VEPH1: variants seen among roughly 807,000 people sequenced by gnomAD.
VEPH1 encodes ventricular zone expressed PH domain containing 1, also known as ventricular zone-expressed PH domain-containing protein homolog 1.
Under a neutral mutation model 85.2 loss-of-function variants are expected in VEPH1, and 80 were observed. The observed-to-expected ratio is 0.94, with a 90% CI of 0.78 to 1.13. The LOEUF is 1.13. Ranked by LOEUF, VEPH1 falls within the 50% of genes most tolerant of loss-of-function variation. The pLI is 0.00. For synonymous variants in VEPH1, 297 were observed against 348.0 expected (o/e 0.85, Z 1.63); for missense variants, 955 against 980.5 (o/e 0.97, Z 0.35).
At chr3:157,385,454 TGGTTTATATCTATTGGTATTGGCCA>T (rs2108886690) in intron 6 of VEPH1, among the ~76,000 whole-genome samples, 1 of 152,266 alleles carries the variant, frequency 6.6e-6, no homozygotes, top group East Asian at 1.9e-4. Flanking sequence ...TTTTGTTATC[TGGTTTATATCTATTGGTATTGGCCA>T]TATTGGAAGT....
At chr3:157,478,175 G>C (rs868586664) in intron 2 of VEPH1, among the ~76,000 whole-genome samples, 4 of 152,238 alleles carry the variant, frequency 2.6e-5, no homozygotes, top group Middle Eastern at 3.4e-3. Flanking sequence ...CCAATGACTA[G>C]TCATCATGGA....
Position 157,437,871 on chromosome 3 carries a change from G to A in VEPH1, c.530-9383C>T, listed in dbSNP as rs953879830. 21 of 1,504,070 alleles carry A rather than the reference G, an allele frequency of 1.4e-5. No homozygotes were observed. The African/African-American group carries it at 2.5e-4, about 18-fold the overall frequency. 93.2% of individuals were successfully genotyped at this position (1,504,070 alleles called of 1,614,324 possible). A position where few individuals can be genotyped will look rare whatever the true frequency, so the allele number is the denominator to read the frequency against. On this transcript the variant is annotated intron_variant, in intron 4 of 13. Transcript: ENST00000362010. ...AGCTGCGGCAGACGCGAGCCGACCT[G>A]CACGCGGTGCAGGGCTGGGCTGCCC...
At chr3:157,438,053 A>ACC in intron 4 of VEPH1, 1 of 730,192 alleles carries the variant, frequency 1.4e-6, no homozygotes, top group Non-Finnish European at 2.2e-6. Flanking sequence ...ACACACACAC[A>ACC]CACACACACA....
intron 6 of VEPH1, among the ~76,000 whole-genome samples, chr3:157,382,300 T>C (rs1051153994): frequency 2.0e-5 from 3 of 152,218 alleles, no homozygotes; most frequent in Non-Finnish European, 4.4e-5. Flanking sequence ...ATGAATAATG[T>C]AGGCATGAGC....
intron 4 of VEPH1, chr3:157,443,054 A>G: frequency 1.3e-6 from 2 of 1,499,206 alleles, no homozygotes; most frequent in Non-Finnish European, 1.8e-6. Context: ...AAGGTCTGAA[A>G]ACTCAGTGCA....
chr3:157,317,148 G>A lies in VEPH1; in HGVS notation c.1789C>T (p.His597Tyr). Reference sequence around the variant, plus strand: ...CTGGACTTACTGTATAGGCAGTAATGACCCTTCAGGGAGCAGGTGAAGAAC... The same window carrying A: ...CTGGACTTACTGTATAGGCAGTAATAACCCTTCAGGGAGCAGGTGAAGAAC... ...KLFFTCSLKG[H>Y]YCLYSKSSFI... The change falls in exon 10 of 14, where the codon CAT (histidine) becomes TAT (tyrosine). Residue 597 changes from histidine to tyrosine, a missense_variant. Physicochemically the swap from His to Tyr is moderately conservative, Grantham distance 83 (BLOSUM62 2). Transcript: ENST00000362010. The A allele has an allele frequency of 6.2e-7, 1 of 1,613,434 alleles. No homozygotes were observed. The highest frequency in any genetic ancestry group is 8.5e-7 in the Non-Finnish European group (1 of 1,179,610).
chr3:157,459,834 T>C, intron 4 of VEPH1: 1 of 1,517,308 alleles, frequency 6.6e-7, no homozygotes, highest in East Asian at 2.5e-5. Context: ...CATACCCCAC[T>C]GAGTGACGTG....
chr3:157,280,014 C>CAAAAAAAAAAAAAAAAAAAA (rs369384376), intron 12 of VEPH1, among the ~76,000 whole-genome samples: 1 of 110,018 alleles, frequency 9.1e-6, no homozygotes, highest in Non-Finnish European at 1.8e-5. Flanking sequence ...GACTCTGTTT[C>CAAAAAAAAAAAAAAAAAAAA]AAAAAAAAAA....
chr3:157,280,251 G>A (rs1015263759), intron 12 of VEPH1, among the ~76,000 whole-genome samples: 10 of 152,020 alleles, frequency 6.6e-5, no homozygotes, highest in Middle Eastern at 3.2e-3. Flanking sequence ...TGAAACTAAT[G>A]TACTCACATT....
At chr3:157,365,638 C>T (rs1726590669) in intron 7 of VEPH1, among the ~76,000 whole-genome samples, 1 of 152,116 alleles carries the variant, frequency 6.6e-6, no homozygotes, top group Non-Finnish European at 1.5e-5. Flanking sequence ...CACCACCCCA[C>T]CCCCATGGTT....
Position 157,365,478 on chromosome 3 carries a change from C to A in VEPH1, c.1128-966G>T, listed in dbSNP as rs555916777. The stretch of plus-strand genomic sequence containing the variant: ...ACTAATTCTCCAACCCTCTAGACAC[C>A]AACTGGGTGTCCTACAGTTCAATTC... On this transcript the variant is annotated intron_variant, in intron 7 of 13. Coordinates refer to ENST00000362010, the MANE Select transcript of VEPH1 (RefSeq NM_001167912.2). Among the ~76,000 whole-genome samples the A allele has an allele frequency of 1.2e-4, 18 of 152,162 alleles. No homozygotes were observed. The East Asian group carries it at 3.3e-3, about 28-fold the overall frequency.
intron 9 of VEPH1, among the ~76,000 whole-genome samples, chr3:157,337,283 G>A (rs1361231204): frequency 6.6e-6 from 1 of 151,972 alleles, no homozygotes; most frequent in Non-Finnish European, 1.5e-5. Context: ...ATTAAATTAA[G>A]AAAATGTTAG....
intron 9 of VEPH1, 156 bp downstream of exon 9, chr3:157,363,208 A>G: frequency 1.4e-6 from 1 of 725,762 alleles, no homozygotes. Context: ...TTGGGAAAAA[A>G]AAAAAAAAAA....
chr3:157,449,067 T>A (rs1216451824), intron 4 of VEPH1, among the ~76,000 whole-genome samples: 3 of 152,188 alleles, frequency 2.0e-5, no homozygotes, highest in Non-Finnish European at 4.4e-5. Context: ...CCTAGCCACG[T>A]GGAACTGTGA....
chr3:157,460,141 C>T, intron 4 of VEPH1, 40 bp downstream of exon 4: 2 of 1,614,154 alleles, frequency 1.2e-6, no homozygotes, highest in Non-Finnish European at 1.7e-6. Context: ...TTTTAAATAT[C>T]TCCCAAAACA....
chr3:157,476,045 T>C (rs1434404715), intron 2 of VEPH1, among the ~76,000 whole-genome samples: 2 of 152,168 alleles, frequency 1.3e-5, no homozygotes, highest in Admixed American at 6.5e-5. Flanking sequence ...GCAGAGGGAA[T>C]GACTCAGCCA....
At chr3:157,305,808 C>G (rs893627816) in intron 11 of VEPH1, among the ~76,000 whole-genome samples, 14 of 152,184 alleles carry the variant, frequency 9.2e-5, no homozygotes, top group Non-Finnish European at 1.5e-4. Context: ...TTAACTTTGA[C>G]TACTTTGCCT....
At chr3:157,311,898 C>A (rs1273791686) in intron 11 of VEPH1, among the ~76,000 whole-genome samples, 1 of 152,132 alleles carries the variant, frequency 6.6e-6, no homozygotes, top group African/African-American at 2.4e-5. Flanking sequence ...GCAATTGTGG[C>A]ATTTCCTTTA....
intron 6 of VEPH1, among the ~76,000 whole-genome samples, chr3:157,382,525 T>C (rs2108872292): frequency 6.6e-6 from 1 of 152,346 alleles, no homozygotes; most frequent in Non-Finnish European, 1.5e-5. Context: ...ATATGGCTTA[T>C]TTCACCTTTA....
Sources: allele counts gnomAD v4.1 joint callset (sites outside exome capture counted in the v4.1 genomes callset), GRCh38; gene constraint gnomAD v4.1.1; transcripts MANE v1.5; gene names NCBI Gene and HGNC (gene_info 2026-07-23, HGNC 2026-07-21).